The following GNAS variants were observed in gnomAD, a reference collection of about 807,000 sequenced individuals.
GNAS encodes GNAS complex locus, also known as protein ALEX.
GNAS carries 8 observed loss-of-function variants against 54.5 expected under a neutral mutation model. That is an observed-to-expected ratio of 0.15 (90% CI 0.09 to 0.26). GNAS has a LOEUF of 0.26. Among genes scored for constraint, GNAS ranks in the 10% least tolerant of loss-of-function variants. The pLI, the probability that GNAS is intolerant of heterozygous loss-of-function variation, is 1.00. For missense variants in GNAS, 170 were observed against 529.8 expected, an observed-to-expected ratio of 0.32 and a Z score of 6.67; for synonymous variants, 204 against 191.4, an observed-to-expected ratio of 1.07 and a Z score of -0.54.
chr20:58,908,882 G>A, intron 6 of GNAS: 1 of 537,846 alleles, frequency 1.9e-6, no homozygotes, highest in East Asian at 3.4e-5. Context: ...CTGTTTGTGT[G>A]GCCCCACTGC....
Position 58,855,752 on chromosome 20 carries a change from C to T in GNAS, c.43+14866C>T, listed in dbSNP as rs373835562. 39 of 619,154 alleles carry T rather than the reference C, an allele frequency of 6.3e-5. No homozygotes were observed. In the East Asian group the frequency reaches 7.7e-4, roughly 12 times the overall value. The allele number at this position is 619,154 out of a possible 1,614,324, so 38.4% of individuals were successfully genotyped here. Reference sequence around the variant, plus strand: ...TCATTGGGGAAGGCGCGCCCCGCCTCGCCTGGCACGGCTGCTTGGACTCAG... The same window carrying T: ...TCATTGGGGAAGGCGCGCCCCGCCTTGCCTGGCACGGCTGCTTGGACTCAG... On this transcript the variant is annotated intron_variant, in intron 1 of 12. Transcript: ENST00000306090.
intron 1 of GNAS, chr20:58,855,191 G>A (rs778670718): frequency 3.7e-6 from 6 of 1,605,798 alleles, no homozygotes; most frequent in African/African-American, 1.3e-5. Context: ...TACCCCTGGC[G>A]GAGAAGCGCA....
At position 58,911,168 on chromosome 20, in the gene GNAS, ATAAAAAT is replaced by A. The variant is rs1235147497; in HGVS notation, c.*344_*350del. ...TTGTGCAGCATTAAAAAAAATCAAAATAAAAATTAAATGTGAGCAAAGAATGATGGGA... is the reference window on the plus strand; with the variant it reads ...TTGTGCAGCATTAAAAAAAATCAAAATAAATGTGAGCAAAGAATGATGGGA... On this transcript the variant is annotated 3_prime_UTR_variant, in exon 13 of 13. Transcript: ENST00000371085. 2.9e-5 allele frequency: 14 copies of A among 490,958 alleles called. No individual in the cohort carries two copies. In the East Asian group the frequency reaches 5.0e-4, roughly 18 times the overall value. The allele number at this position is 490,958 out of a possible 1,614,324, so 30.4% of individuals were successfully genotyped here. A position where few individuals can be genotyped will look rare whatever the true frequency, so the allele number is the denominator to read the frequency against.
At chr20:58,886,915 C>T (rs529930087), upstream of GNAS, among the ~76,000 whole-genome samples, 60 of 152,344 alleles carry the variant, frequency 3.9e-4, no homozygotes, top group South Asian at 2.1e-3. Context: ...GTGAAACCTA[C>T]ACTTAAAAAA....
In GNAS at chr20:58,903,757, G is replaced by A. The variant is rs375196529; in HGVS notation, c.398G>A (p.Ser133Asn). 2 of 1,613,586 alleles carry A rather than the reference G, an allele frequency of 1.2e-6. No homozygotes were observed. The highest frequency in any genetic ancestry group is 1.7e-6 in the Non-Finnish European group (2 of 1,179,762). The stretch of plus-strand genomic sequence containing the variant: ...CAGTTCAGAGTGGACTACATCCTGA[G>A]TGTGATGAACGTGCCTGACTTTGAC... The part of the protein sequence containing the change: ...ENQFRVDYIL[S>N]VMNVPDFDFP... The change falls in exon 5 of 13, where the codon AGT becomes AAT. Residue 133 changes from serine to asparagine, a missense_variant. Coordinates refer to ENST00000371085, the MANE Select transcript of GNAS (RefSeq NM_000516.7).
At chr20:58,903,148 C>T in intron 3 of GNAS, 1 of 375,356 alleles carries the variant, frequency 2.7e-6, no homozygotes, top group Non-Finnish European at 5.1e-6. Flanking sequence ...TCCACCCCAA[C>T]CTCATAGTGA....
At chr20:58,880,330 A>G (rs992597779) in intron 1 of GNAS, among the ~76,000 whole-genome samples, 2 of 152,230 alleles carry the variant, frequency 1.3e-5, no homozygotes, top group African/African-American at 4.8e-5. Context: ...GGCAGGGCAG[A>G]GCCCAGATAT....
In GNAS at chr20:58,854,705, T is replaced by A. The variant is rs548840457; in HGVS notation, c.43+13819T>A. 5.5e-5 allele frequency: 84 copies of A among 1,531,508 alleles called. No homozygotes were observed. In the African/African-American group the frequency reaches 1.1e-3, roughly 19 times the overall value. 94.9% of individuals were successfully genotyped at this position (1,531,508 alleles called of 1,614,324 possible). A position where few individuals can be genotyped will look rare whatever the true frequency, so the allele number is the denominator to read the frequency against. The stretch of plus-strand genomic sequence containing the variant: ...AGGCTCCCGCCGCCCCTGCGGCTGC[T>A]GAGACCCGGGCAGCCCATGTCGCCC... On this transcript the variant is annotated intron_variant, in intron 1 of 12. Coordinates refer to the GNAS transcript ENST00000306090.
chr20:58,898,131 C>CA (rs1372679166), intron 2 of GNAS: 3 of 152,216 alleles, frequency 2.0e-5, no homozygotes, highest in Admixed American at 2.0e-4. Flanking sequence ...AAAACAAAAA[C>CA]AAAACATAAA....
chr20:58,854,412 G>C, intron 1 of GNAS: 1 of 1,566,720 alleles, frequency 6.4e-7, no homozygotes, highest in Non-Finnish European at 8.6e-7. Flanking sequence ...ATCCCCTGCC[G>C]CCGGGGCAGC....
chr20:58,868,897 C>CGCT (rs1471347615), intron 1 of GNAS, among the ~76,000 whole-genome samples: 1 of 152,174 alleles, frequency 6.6e-6, no homozygotes, highest in African/African-American at 2.4e-5. Flanking sequence ...TGGCAGATGG[C>CGCT]GCTCGGCTTT....
chr20:58,907,184 C>T (rs747369050), intron 6 of GNAS, among the ~76,000 whole-genome samples: 2 of 152,192 alleles, frequency 1.3e-5, no homozygotes, highest in Non-Finnish European at 2.9e-5. Context: ...AGGGTCTGCG[C>T]AATCTATCAA....
upstream of GNAS, chr20:58,889,396 G>A (rs1210063371): frequency 1.0e-6 from 1 of 982,582 alleles, no homozygotes; most frequent in South Asian, 4.7e-5. Flanking sequence ...AGTGCGAGTC[G>A]CCCGGCGCAG....
In GNAS at chr20:58,853,603, G is replaced by A. The variant is rs1385439564; in HGVS notation, c.43+12717G>A. ...GAGGCTGAACAGCCCAGCTTGGGAGGCTTCTGGCCTACACTGGAGCAGCCT... is the reference window on the plus strand; with the variant it reads ...GAGGCTGAACAGCCCAGCTTGGGAGACTTCTGGCCTACACTGGAGCAGCCT... On this transcript the variant is annotated intron_variant, in intron 1 of 12. Transcript: ENST00000306090. This position sits in a 1 kb window ranked among gnomAD's most constrained non-coding sequence, Gnocchi z 4.4. The A allele has an allele frequency of 1.2e-6, 2 of 1,613,322 alleles. No individual in the cohort carries two copies. Among genetic ancestry groups the A allele is most frequent in the African/African-American group, 1.3e-5 (1 of 75,044 alleles).
intron 1 of GNAS, among the ~76,000 whole-genome samples, chr20:58,880,044 C>G (rs982651927): frequency 6.6e-6 from 1 of 152,150 alleles, no homozygotes; most frequent in African/African-American, 2.4e-5. Flanking sequence ...GATAATCTCT[C>G]TCTCTCTCTT....
At chr20:58,854,844 C>A in intron 1 of GNAS, 1 of 1,596,946 alleles carries the variant, frequency 6.3e-7, no homozygotes. Flanking sequence ...ACGCAAGATC[C>A]ATCTCAGACC....
At chr20:58,872,139 T>C (rs935217330) in intron 1 of GNAS, among the ~76,000 whole-genome samples, 1 of 152,230 alleles carries the variant, frequency 6.6e-6, no homozygotes, top group Non-Finnish European at 1.5e-5. Flanking sequence ...CTCTGAGCTC[T>C]GACCACTGCC....
Position 58,873,692 on chromosome 20 carries a change from G to A in GNAS, c.44-21920G>A, listed in dbSNP as rs567848481. 2.8e-4 allele frequency among the ~76,000 whole-genome samples: 43 copies of A among 152,164 alleles called. No homozygotes were observed. The highest frequency in any genetic ancestry group is 1.0e-3 in the African/African-American group (42 of 41,494). ...CTGGTCGGTGAGTTTGCCTCAATTC[G>A]GGCATTTTCATTTGTTCATTCATTC... On this transcript the variant is annotated intron_variant, in intron 1 of 12. Transcript: ENST00000306090. The surrounding 1 kb of genome is among the most constrained non-coding windows in gnomAD (Gnocchi z 4.3).
At chr20:58,889,169 CG>C, upstream of GNAS, 3 of 1,214,972 alleles carry the variant, frequency 2.5e-6, no homozygotes, top group East Asian at 8.8e-5. Context: ...TGCTCCCCGG[CG>C]GGGACACTCA....
Sources: gnomAD v4.1 joint callset for allele counts (sites outside exome capture counted in the v4.1 genomes callset) on GRCh38, gnomAD v4.1.1 for gene constraint, Gnocchi (gnomAD v3.1) non-coding constraint, MANE v1.5 for transcripts, NCBI Gene and HGNC (gene_info 2026-07-23, HGNC 2026-07-21) for gene names.